BLM: variants seen among roughly 807,000 people sequenced by gnomAD.
BLM encodes the protein recQ-like DNA helicase BLM.
In BLM, 95 loss-of-function variants were observed where a neutral mutation model predicts 135.3. The observed-to-expected ratio is 0.70, with a 90% CI of 0.59 to 0.83. BLM has a LOEUF of 0.83. BLM is among the 40% of genes least tolerant of loss of function. BLM has a pLI of 0.00. For synonymous variants in BLM, 520 were observed against 589.2 expected (o/e 0.88, Z 1.70); for missense variants, 1,518 against 1,663.9 (o/e 0.91, Z 1.53).
At chr15:90,806,188 T>G (rs902775516) in intron 19 of BLM, among the ~76,000 whole-genome samples, 7 of 152,198 alleles carry the variant, frequency 4.6e-5, no homozygotes, top group Admixed American at 4.6e-4. Context: ...GCATCTTAGA[T>G]CCAATGAAAT....
chr15:90,749,710 T>G lies in BLM; in HGVS notation c.442T>G (p.Leu148Val). ...KLEFSSSPDS[L>V]STINDWDDMD... ...AGAATTTAGTTCTTCACCAGATTCT[T>G]TAAGTACCATCAATGATTGGGATGA... The change falls in exon 3 of 22, where the codon TTA becomes GTA. Residue 148 changes from leucine to valine, a missense_variant. This residue lies in a region of BLM where 724 missense variants were observed against 756.9 expected (regional missense o/e 0.96). Transcript: ENST00000355112. 2 of 1,614,192 alleles carry G rather than the reference T, an allele frequency of 1.2e-6. No homozygotes were observed. The highest frequency in any genetic ancestry group is 1.7e-6 in the Non-Finnish European group (2 of 1,180,016).
Position 90,811,197 on chromosome 15 carries a change from A to T in BLM, c.3875-8A>T, listed in dbSNP as rs1897406255. Reference sequence around the variant, plus strand: ...TCACCTGTAAACATCTGCATTTTCCATTTGTAGCTGAAGACAGTTCCCCAG... The same window carrying T: ...TCACCTGTAAACATCTGCATTTTCCTTTTGTAGCTGAAGACAGTTCCCCAG... On this transcript the variant is annotated splice_region_variant and splice_polypyrimidine_tract_variant and intron_variant, in intron 20 of 21. Coordinates refer to ENST00000355112, the MANE Select transcript of BLM (RefSeq NM_000057.4). The T allele has an allele frequency of 6.2e-7, 1 of 1,612,630 alleles. No homozygotes were observed.
chr15:90,757,098 G>A (rs925171910), intron 5 of BLM, among the ~76,000 whole-genome samples: 4 of 152,070 alleles, frequency 2.6e-5, no homozygotes, highest in African/African-American at 9.7e-5. Flanking sequence ...ATGAACTTTT[G>A]CTAACTCTAT....
At chr15:90,810,295 T>C (rs891027487) in intron 20 of BLM, among the ~76,000 whole-genome samples, 6 of 152,202 alleles carry the variant, frequency 3.9e-5, no homozygotes, top group African/African-American at 1.4e-4. Flanking sequence ...CCTCAAGTGA[T>C]CCACCTGCCT....
intron 1 of BLM, among the ~76,000 whole-genome samples, chr15:90,722,985 C>T (rs892789716): frequency 6.6e-6 from 1 of 152,112 alleles, no homozygotes; most frequent in Non-Finnish European, 1.5e-5. Flanking sequence ...GGATTACAGG[C>T]GCCTGCCACC....
intron 13 of BLM, among the ~76,000 whole-genome samples, chr15:90,783,165 A>C (rs779123771): frequency 2.0e-5 from 3 of 152,236 alleles, no homozygotes; most frequent in Non-Finnish European, 2.9e-5. Context: ...ACACACGTAT[A>C]TTATAACTTT....
At chr15:90,756,785 G>T (rs533903147) in intron 5 of BLM, among the ~76,000 whole-genome samples, 3 of 152,184 alleles carry the variant, frequency 2.0e-5, no homozygotes, top group Non-Finnish European at 1.5e-5. Flanking sequence ...AAAAGTTAGA[G>T]GTGTGAGGCA....
At chr15:90,735,253 A>G (rs1441482089) in intron 1 of BLM, among the ~76,000 whole-genome samples, 1 of 144,822 alleles carries the variant, frequency 6.9e-6, no homozygotes, top group African/African-American at 2.5e-5. Context: ...ATATATATAT[A>G]TATATATATA....
intron 5 of BLM, among the ~76,000 whole-genome samples, chr15:90,755,931 G>A (rs1221917582): frequency 6.6e-6 from 1 of 152,052 alleles, no homozygotes; most frequent in African/African-American, 2.4e-5. Flanking sequence ...CATGTGTGTA[G>A]TGTTCTCTGT....
chr15:90,811,129 G>C, intron 20 of BLM, 76 bp from the exon 21 acceptor site: 1 of 1,494,486 alleles, frequency 6.7e-7, no homozygotes, highest in Admixed American at 1.7e-5. Context: ...CCCCTGCAGC[G>C]TGTCTCTTCA....
At chr15:90,788,688 A>G (rs1212834211) in intron 14 of BLM, among the ~76,000 whole-genome samples, 2 of 152,002 alleles carry the variant, frequency 1.3e-5, no homozygotes, top group Non-Finnish European at 2.9e-5. Context: ...GTTTGCATGA[A>G]AGGGCCAGGC....
intron 1 of BLM, among the ~76,000 whole-genome samples, chr15:90,734,696 CAGAGAGAGAGAGAGAGAG>C (rs60051515): frequency 7.5e-5 from 11 of 146,118 alleles, no homozygotes; most frequent in African/African-American, 2.5e-4. Context: ...CACACACACG[CAGAGAGAGAGAGAGAGAG>C]AGAGAGAGAG....
chr15:90,784,013 AC>A (rs1436792778), intron 13 of BLM, among the ~76,000 whole-genome samples: 1 of 152,166 alleles, frequency 6.6e-6, no homozygotes, highest in Non-Finnish European at 1.5e-5. Flanking sequence ...ATTTTTTTCT[AC>A]TAGCATACTA....
intron 19 of BLM, 143 bp downstream of exon 19, chr15:90,804,502 CA>C (rs1218136863): frequency 1.3e-5 from 12 of 925,238 alleles, no homozygotes; most frequent in Admixed American, 8.0e-5. Context: ...CTCGCTGTGT[CA>C]CCCGGGCTGG....
At chr15:90,778,156 C>T (rs895735690) in intron 12 of BLM, among the ~76,000 whole-genome samples, 2 of 152,004 alleles carry the variant, frequency 1.3e-5, no homozygotes, top group Admixed American at 1.3e-4. Context: ...AGTTAGTTAC[C>T]CACAGTCCTT....
intron 12 of BLM, among the ~76,000 whole-genome samples, chr15:90,780,485 G>A (rs970176186): frequency 2.0e-5 from 3 of 152,140 alleles, no homozygotes; most frequent in Admixed American, 1.3e-4. Flanking sequence ...CTTCCAAAAT[G>A]TTGAGATTAT....
chr15:90,764,312 T>A (rs1027207600), intron 8 of BLM, among the ~76,000 whole-genome samples: 7 of 149,464 alleles, frequency 4.7e-5, no homozygotes, highest in African/African-American at 1.7e-4. Context: ...TAATATATAG[T>A]GTGTGTGTAA....
chr15:90,794,129 CT>C (rs1285386489), intron 15 of BLM, 37 bp from the exon 16 acceptor site: 1 of 1,473,156 alleles, frequency 6.8e-7, no homozygotes, highest in Non-Finnish European at 9.4e-7. Flanking sequence ...TATTTTTCCC[CT>C]ATAAGTATGT....
intron 20 of BLM, 70 bp from the exon 21 acceptor site, chr15:90,811,135 C>T (rs1216003056): frequency 1.6e-5 from 24 of 1,539,536 alleles, no homozygotes; most frequent in Non-Finnish European, 2.1e-5. Flanking sequence ...CAGCGTGTCT[C>T]TTCATATACA....
Sources: allele counts gnomAD v4.1 joint callset (sites outside exome capture counted in the v4.1 genomes callset), GRCh38; gene constraint gnomAD v4.1.1; regional missense constraint gnomAD v4.1.1; transcripts MANE v1.5; gene names NCBI Gene and HGNC (gene_info 2026-07-23, HGNC 2026-07-21).